TARP: variants seen among roughly 807,000 people sequenced by gnomAD.
At chr7:38,261,176 C>A in the TARP span, among the ~76,000 whole-genome samples, 2 of 151,592 alleles carry the variant, frequency 1.3e-5, no homozygotes, top group Non-Finnish European at 2.9e-5. Context: ...AGCCCATGCA[C>A]CCACCCAGCC....
chr7:38,265,833 C>G, the TARP span, among the ~76,000 whole-genome samples: 4 of 150,932 alleles, frequency 2.7e-5, no homozygotes, highest in African/African-American at 9.8e-5. Flanking sequence ...CTGCACAGTA[C>G]TTATTATTGT....
At chr7:38,266,479 T>G in the TARP span, among the ~76,000 whole-genome samples, 68 of 152,010 alleles carry the variant, frequency 4.5e-4, 2 homozygotes, top group Admixed American at 7.9e-4. Flanking sequence ...GCTAATATTT[T>G]TTTTCTAGGA....
At chr7:38,263,951 T>G in the TARP span, among the ~76,000 whole-genome samples, 1 of 152,004 alleles carries the variant, frequency 6.6e-6, no homozygotes, top group Non-Finnish European at 1.5e-5. Flanking sequence ...TTTATTTTCC[T>G]CATGGTGACT....
chr7:38,265,502 C>T, the TARP span: 7 of 1,612,016 alleles, frequency 4.3e-6, no homozygotes, highest in South Asian at 4.4e-5. Flanking sequence ...ATGGTGTTCC[C>T]CTCCTGGGAT....
At chr7:38,269,327 T>C in the TARP span, among the ~76,000 whole-genome samples, 3 of 151,998 alleles carry the variant, frequency 2.0e-5, no homozygotes, top group Admixed American at 1.3e-4. Context: ...GTTATCTATG[T>C]TCTCTTTTAG....
the TARP span, among the ~76,000 whole-genome samples, chr7:38,268,070 C>G: frequency 3.3e-5 from 5 of 150,744 alleles, no homozygotes; most frequent in Non-Finnish European, 7.4e-5. Context: ...TGGTAAGGGC[C>G]GATATTGTGG....
the TARP span, among the ~76,000 whole-genome samples, chr7:38,268,693 T>C: frequency 1.3e-5 from 2 of 151,584 alleles, no homozygotes; most frequent in Non-Finnish European, 2.9e-5. Flanking sequence ...TAATACAATG[T>C]TTTTGCCACG....
chr7:38,269,046 C>A, the TARP span, among the ~76,000 whole-genome samples: 1 of 151,804 alleles, frequency 6.6e-6, no homozygotes. Context: ...AATAATCACT[C>A]AATTTCACTA....
At chr7:38,265,481 C>T in the TARP span, 6 of 1,611,836 alleles carry the variant, frequency 3.7e-6, no homozygotes, top group East Asian at 2.2e-5. Flanking sequence ...ATGTATGTGT[C>T]GTTAGTCTTC....
the TARP span, among the ~76,000 whole-genome samples, chr7:38,260,913 G>A: frequency 6.6e-6 from 1 of 151,698 alleles, no homozygotes. Flanking sequence ...AGTTGAGCAG[G>A]GCTAGAGCCC....
the TARP span, among the ~76,000 whole-genome samples, chr7:38,270,667 G>A: frequency 1.3e-5 from 2 of 151,262 alleles, no homozygotes; most frequent in African/African-American, 2.4e-5. Flanking sequence ...AAGGCAAGAG[G>A]CCTGGTCCTC....
chr7:38,273,610 G>C, the TARP span: 1 of 1,597,686 alleles, frequency 6.3e-7, no homozygotes, highest in Non-Finnish European at 8.5e-7. Flanking sequence ...CTTTGTTCCG[G>C]GACCAAATAC....
the TARP span, among the ~76,000 whole-genome samples, chr7:38,267,537 T>A: frequency 6.6e-6 from 1 of 150,978 alleles, no homozygotes; most frequent in African/African-American, 2.4e-5. Flanking sequence ...TAGCAAAGCT[T>A]CTGATTTTCA....
the TARP span, chr7:38,273,553 C>T: frequency 1.2e-5 from 19 of 1,547,352 alleles, no homozygotes; most frequent in Non-Finnish European, 1.7e-5. Context: ...CCTCCCATCC[C>T]TTCTTTACAT....
At chr7:38,270,142 A>C in the TARP span, among the ~76,000 whole-genome samples, 1 of 151,888 alleles carries the variant, frequency 6.6e-6, no homozygotes, top group Non-Finnish European at 1.5e-5. Flanking sequence ...TATGATGATG[A>C]TGATGTCATT....
the TARP span, among the ~76,000 whole-genome samples, chr7:38,264,157 T>C: frequency 2.0e-5 from 3 of 151,302 alleles, no homozygotes; most frequent in Non-Finnish European, 2.9e-5. Flanking sequence ...ATTGATTATA[T>C]AATATGATCA....
the TARP span, chr7:38,262,096 C>A: frequency 7.7e-7 from 1 of 1,290,466 alleles, no homozygotes; most frequent in Non-Finnish European, 1.1e-6. Flanking sequence ...CTAGCAAAAT[C>A]CATTCCCTGA....
chr7:38,260,830 G>A, the TARP span, among the ~76,000 whole-genome samples: 1 of 151,828 alleles, frequency 6.6e-6, no homozygotes, highest in African/African-American at 2.4e-5. Flanking sequence ...CCTTGGTCAA[G>A]TGAGGTGGTA....
At chr7:38,261,417 G>C in the TARP span, among the ~76,000 whole-genome samples, 3 of 151,522 alleles carry the variant, frequency 2.0e-5, no homozygotes, top group African/African-American at 4.9e-5. Context: ...GGAGTTTTAA[G>C]AGGGTTAAAC....
Sources: gnomAD v4.1 joint callset for allele counts (sites outside exome capture counted in the v4.1 genomes callset) on GRCh38, gnomAD v4.1.1 for gene constraint, MANE v1.5 for transcripts.